NFASC: variants seen among roughly 807,000 people sequenced by gnomAD.
NFASC encodes the protein neurofascin homolog.
A neutral mutation model predicts 147.5 loss-of-function variants in NFASC; 43 were observed. The ratio of observed to expected loss-of-function variants is 0.29; its 90% CI spans 0.23 to 0.38. The LOEUF (loss-of-function observed/expected upper bound fraction) is 0.38, where lower values mean the gene tolerates loss of function less well. Ranked by LOEUF, NFASC falls within the 10% of genes least tolerant of loss-of-function variation. The probability of loss-of-function intolerance (pLI) is 1.00; values close to 1 mark genes in which losing one functional copy is unlikely to be tolerated. For missense variants in NFASC, 1,320 were observed against 1,689.0 expected (o/e 0.78, Z 3.83); for synonymous variants, 622 against 665.5 (o/e 0.93, Z 1.01).
chr1:204,857,070 G>C (rs1389723886), intron 1 of NFASC, among the ~76,000 whole-genome samples: 2 of 152,212 alleles, frequency 1.3e-5, no homozygotes, highest in African/African-American at 2.4e-5. Flanking sequence ...GGGTCATGTG[G>C]TAATTCTGTG....
intron 1 of NFASC, among the ~76,000 whole-genome samples, chr1:204,889,051 T>A (rs949525625): frequency 3.9e-5 from 6 of 152,208 alleles, no homozygotes; most frequent in African/African-American, 1.4e-4. Flanking sequence ...GAGTCAGCCG[T>A]GTTTCAGGAG....
intron 8 of NFASC, among the ~76,000 whole-genome samples, chr1:204,962,437 C>T (rs1468717690): frequency 6.6e-6 from 1 of 152,194 alleles, no homozygotes; most frequent in Non-Finnish European, 1.5e-5. Context: ...TCTTGAAAAG[C>T]AGGAACTTTT....
chr1:204,984,197 G>T, intron 21 of NFASC: 1 of 1,207,472 alleles, frequency 8.3e-7, no homozygotes, highest in East Asian at 2.3e-5. Flanking sequence ...ACCAGGGCCA[G>T]GGGTAGCAAA....
At chr1:204,864,871 T>C (rs1230611048) in intron 1 of NFASC, among the ~76,000 whole-genome samples, 1 of 152,188 alleles carries the variant, frequency 6.6e-6, no homozygotes. Flanking sequence ...TTGCATCTGT[T>C]TTCTCCCGTT....
intron 1 of NFASC, among the ~76,000 whole-genome samples, chr1:204,876,796 C>A (rs1451883314): frequency 1.3e-5 from 2 of 151,634 alleles, no homozygotes; most frequent in Non-Finnish European, 2.9e-5. Flanking sequence ...CTTTTCCAGG[C>A]TGAATAATAT....
Position 204,979,065 on chromosome 1 carries a change from C to A in NFASC, c.1974C>A (p.Ile658=). 6.4e-7 allele frequency: 1 copy of A among 1,556,306 alleles called. No homozygotes were observed. Among genetic ancestry groups the A allele is most frequent in the Non-Finnish European group, 8.7e-7 (1 of 1,149,118 alleles). The part of the protein sequence containing the change: ...WIPGDANNSP[I]TDYVVQFEED... ...CCGGGGATGCTAACAACAGCCCCAT[C>A]ACAGGTAGCTCAGGGCCTTGCACCC... Residue 658 remains isoleucine, a synonymous_variant, in exon 18 of 30, where the codon ATC becomes ATA. Transcript: ENST00000339876. The surrounding 1 kb of genome is among the most constrained non-coding windows in gnomAD (Gnocchi z 6.0).
chr1:204,997,979 T>C (rs1409806838), intron 25 of NFASC: 1 of 153,830 alleles, frequency 6.5e-6, no homozygotes, highest in East Asian at 1.9e-4. Flanking sequence ...AGACTTTTCT[T>C]TTACAAAGTC....
At chr1:204,931,954 G>C (rs897869783) in intron 2 of NFASC, among the ~76,000 whole-genome samples, 2 of 152,028 alleles carry the variant, frequency 1.3e-5, no homozygotes, top group Admixed American at 6.5e-5. Context: ...CTCTCACTCT[G>C]ACCAGGGCCA....
Position 204,828,731 on chromosome 1 carries a change from C to T in NFASC, c.-251C>T, listed in dbSNP as rs1277985737. On this transcript the variant is annotated 5_prime_UTR_variant, in exon 1 of 30. Transcript: ENST00000339876. ...GGGGACGCGGGGGAAGTGGCGGCGC[C>T]GGCAGCGGACAGCTCGGACAGCGCC... 2.7e-5 allele frequency: 27 copies of T among 985,710 alleles called. No individual in the cohort carries two copies. The highest frequency in any genetic ancestry group is 3.0e-5 in the Non-Finnish European group (25 of 830,366). The allele number at this position is 985,710 out of a possible 1,614,324, so 61.1% of individuals were successfully genotyped here.
At chr1:204,962,011 T>C (rs981107695) in intron 8 of NFASC, 2 of 924,488 alleles carry the variant, frequency 2.2e-6, no homozygotes, top group African/African-American at 1.6e-5. Flanking sequence ...CCCTCCTCAG[T>C]TGTTTTTCTG....
At chr1:204,917,531 C>T (rs1423893601) in intron 1 of NFASC, among the ~76,000 whole-genome samples, 2 of 152,108 alleles carry the variant, frequency 1.3e-5, no homozygotes, top group Non-Finnish European at 2.9e-5. Context: ...GAGGCATTTC[C>T]CTGACATCCT....
At position 204,828,722 on chromosome 1, in the gene NFASC, T is replaced by C; in HGVS notation, c.-260T>C. The C allele has an allele frequency of 1.0e-6, 1 of 985,488 alleles. No individual in the cohort carries two copies. The highest frequency in any genetic ancestry group is 1.2e-6 in the Non-Finnish European group (1 of 830,246). The allele number at this position is 985,488 out of a possible 1,614,324, so 61.0% of individuals were successfully genotyped here. A position where few individuals can be genotyped will look rare whatever the true frequency, so the allele number is the denominator to read the frequency against. ...GGCGCTGCAGGGGACGCGGGGGAAG[T>C]GGCGGCGCCGGCAGCGGACAGCTCG... is the stretch of plus-strand genomic sequence containing the variant. On this transcript the variant is annotated 5_prime_UTR_variant, in exon 1 of 30. Coordinates refer to ENST00000339876, the MANE Select transcript of NFASC (RefSeq NM_001005388.3).
rs115883225 is a variant in NFASC at position 204,942,345 on chromosome 1, C to T, written c.-90-1881C>T. Among the ~76,000 whole-genome samples the T allele has an allele frequency of 1.3e-3, 196 of 152,156 alleles. 1 individual carries two copies. The highest frequency in any genetic ancestry group is 4.5e-3 in the African/African-American group (186 of 41,478). On this transcript the variant is annotated intron_variant, in intron 2 of 29. Coordinates refer to ENST00000339876, the MANE Select transcript of NFASC (RefSeq NM_001005388.3). ...GTAAGCAAGACCAAGCATGATGTAC[C>T]GAGGGAGCTGGTAGAAGAGCAGTCT...
chr1:204,946,463 C>T (rs2093745702), intron 3 of NFASC: 5 of 421,424 alleles, frequency 1.2e-5, no homozygotes, highest in East Asian at 7.3e-5. Flanking sequence ...GCAGGAGACC[C>T]AGGCTGCCCG....
intron 1 of NFASC, among the ~76,000 whole-genome samples, chr1:204,877,106 T>A (rs1479906606): frequency 3.6e-5 from 5 of 137,180 alleles, no homozygotes; most frequent in Non-Finnish European, 7.6e-5. Flanking sequence ...TATTTATATA[T>A]AAATAATATT....
chr1:204,973,193 C>T lies in NFASC; in HGVS notation c.1136-83C>T, dbSNP rs1196376501. On this transcript the variant is annotated intron_variant, in intron 11 of 29. Coordinates refer to ENST00000339876, the MANE Select transcript of NFASC (RefSeq NM_001005388.3). Reference sequence around the variant, plus strand: ...GCTCCCCACAGCACCCCGCTTGTTCCTGGGAGCCCTGGCCAGAGCCCCAAG... The same window carrying T: ...GCTCCCCACAGCACCCCGCTTGTTCTTGGGAGCCCTGGCCAGAGCCCCAAG... 9 of 1,498,612 alleles carry T rather than the reference C, an allele frequency of 6.0e-6. No individual in the cohort carries two copies. In the Admixed American group the frequency reaches 1.0e-4, roughly 17 times the overall value. The allele number at this position is 1,498,612 out of a possible 1,614,324, so 92.8% of individuals were successfully genotyped here.
intron 25 of NFASC, chr1:205,000,927 T>C: frequency 1.8e-6 from 1 of 560,480 alleles, no homozygotes; most frequent in Non-Finnish European, 3.2e-6. Context: ...CTCCCGACTG[T>C]ACCTGCTTGT....
chr1:204,971,535 AG>A (rs1027698432), intron 11 of NFASC, among the ~76,000 whole-genome samples: 4 of 152,132 alleles, frequency 2.6e-5, no homozygotes, highest in African/African-American at 7.2e-5. Context: ...GCAGGTGGAG[AG>A]GGGGGGACAC....
chr1:204,920,315 G>A (rs1277752389), intron 1 of NFASC, among the ~76,000 whole-genome samples: 1 of 152,076 alleles, frequency 6.6e-6, no homozygotes, highest in Non-Finnish European at 1.5e-5. Context: ...ATTCTTCGAG[G>A]TATGGCTGAA....
Sources: gnomAD v4.1 joint callset for allele counts (sites outside exome capture counted in the v4.1 genomes callset) on GRCh38, gnomAD v4.1.1 for gene constraint, Gnocchi (gnomAD v3.1) non-coding constraint, MANE v1.5 for transcripts, NCBI Gene and HGNC (gene_info 2026-07-23, HGNC 2026-07-21) for gene names.